KIF13B: variants seen among roughly 807,000 people sequenced by gnomAD.
The protein encoded by KIF13B is kinesin family member 13B.
A neutral mutation model predicts 222.0 loss-of-function variants in KIF13B; 127 were observed. The observed-to-expected ratio is 0.57, with a 90% CI of 0.50 to 0.66. The LOEUF (loss-of-function observed/expected upper bound fraction) is 0.66, where lower values mean the gene tolerates loss of function less well. KIF13B is among the 30% of genes least tolerant of loss of function. The probability of loss-of-function intolerance (pLI) is 0.00; values close to 1 mark genes in which losing one functional copy is unlikely to be tolerated. For missense variants in KIF13B, 2,173 were observed against 2,379.0 expected, an observed-to-expected ratio of 0.91 and a Z score of 1.80; for synonymous variants, 976 against 919.0, an observed-to-expected ratio of 1.06 and a Z score of -1.12.
intron 2 of KIF13B, among the ~76,000 whole-genome samples, chr8:29,201,899 G>A (rs1041769835): frequency 6.6e-6 from 1 of 152,128 alleles, no homozygotes; most frequent in Admixed American, 6.5e-5. Context: ...GAATGAAGCC[G>A]AGCTGACTTG....
chr8:29,088,406 TC>T (rs1321389363), intron 37 of KIF13B, among the ~76,000 whole-genome samples: 2 of 152,174 alleles, frequency 1.3e-5, no homozygotes, highest in East Asian at 3.8e-4. Context: ...AAAAATAGGG[TC>T]TTGCTGGGCA....
At chr8:29,182,072 G>T in intron 6 of KIF13B, 66 bp from the exon 7 acceptor site, 1 of 1,206,446 alleles carries the variant, frequency 8.3e-7, no homozygotes, top group Non-Finnish European at 1.2e-6. Flanking sequence ...ACTCAGCTCT[G>T]CTCCATAAAA....
At chr8:29,178,652 T>A (rs1239522066) in intron 8 of KIF13B, among the ~76,000 whole-genome samples, 2 of 139,068 alleles carry the variant, frequency 1.4e-5, no homozygotes, top group African/African-American at 2.7e-5. Context: ...TACTTTTAGT[T>A]AAAAAAAAAA....
At chr8:29,121,188 A>G (rs1321487726) in intron 29 of KIF13B, among the ~76,000 whole-genome samples, 1 of 142,610 alleles carries the variant, frequency 7.0e-6, no homozygotes, top group East Asian at 2.1e-4. Context: ...CTTTCTTCAC[A>G]GAATTGGAAA....
intron 1 of KIF13B, chr8:29,250,143 AC>A: frequency 1.1e-6 from 1 of 873,874 alleles, no homozygotes; most frequent in Non-Finnish European, 1.6e-6. Flanking sequence ...CTCACCACCC[AC>A]CACAAAGTTG....
intron 2 of KIF13B, among the ~76,000 whole-genome samples, chr8:29,242,176 C>T (rs1418788362): frequency 6.6e-6 from 1 of 152,118 alleles, no homozygotes; most frequent in Non-Finnish European, 1.5e-5. Context: ...GAAGATAAAA[C>T]TTAGCTTAAG....
intron 11 of KIF13B, among the ~76,000 whole-genome samples, chr8:29,166,676 C>T (rs535366785): frequency 2.2e-5 from 3 of 134,066 alleles, no homozygotes; most frequent in Non-Finnish European, 4.6e-5. Flanking sequence ...TGCACTCCAG[C>T]GTGGGCAACA....
rs1363442488 is a variant in KIF13B at position 29,121,007 on chromosome 8, G to A, written c.3535+1584C>T. On this transcript the variant is annotated intron_variant, in intron 29 of 39. Coordinates refer to ENST00000524189, the MANE Select transcript of KIF13B (RefSeq NM_015254.4). ...TGAGAAGTGTCTGTTCATGTCCTTC[G>A]CCCACTTTTTGATGGGGTTGTTTGT... Among the ~76,000 whole-genome samples, 14 of 122,084 alleles carry A rather than the reference G, an allele frequency of 1.1e-4. No individual in the cohort carries two copies. The South Asian group carries it at 1.3e-3, about 11-fold the overall frequency. The allele number at this position is 122,084 out of a possible 152,430, so 80.1% of individuals were successfully genotyped here.
At chr8:29,205,198 T>G (rs1216296324) in intron 2 of KIF13B, among the ~76,000 whole-genome samples, 1 of 151,250 alleles carries the variant, frequency 6.6e-6, no homozygotes, top group African/African-American at 2.4e-5. Flanking sequence ...CAAAAAAGTT[T>G]TTTTAAAAAA....
chr8:29,152,921 T>C (rs12549882), intron 14 of KIF13B, among the ~76,000 whole-genome samples: 34,022 of 152,158 alleles, frequency 0.22, 4,915 homozygotes, highest in East Asian at 0.63. Flanking sequence ...AGATATAATG[T>C]TATTGCACAA....
chr8:29,098,074 A>C (rs568226865), intron 36 of KIF13B, among the ~76,000 whole-genome samples: 1 of 150,528 alleles, frequency 6.6e-6, no homozygotes, highest in African/African-American at 2.4e-5. Flanking sequence ...AGGAGGCTGA[A>C]GCAGGAGAAT....
Position 29,157,758 on chromosome 8 carries a change from G to A in KIF13B, c.1405-1902C>T, listed in dbSNP as rs143044876. Among the ~76,000 whole-genome samples the A allele has an allele frequency of 4.0e-3, 608 of 150,822 alleles. 2 individuals carry two copies. Among genetic ancestry groups the A allele is most frequent in the African/African-American group, 0.014 (576 of 40,948 alleles). The stretch of plus-strand genomic sequence containing the variant: ...AGGCAGGAAGATTACTTGAGCCCAG[G>A]AGATTGAGGCTGCAATAAGCCATAA... On this transcript the variant is annotated intron_variant, in intron 13 of 39. Transcript: ENST00000524189.
chr8:29,088,328 C>CT (rs1808139776), intron 37 of KIF13B, among the ~76,000 whole-genome samples: 1 of 151,990 alleles, frequency 6.6e-6, no homozygotes, highest in South Asian at 2.1e-4. Flanking sequence ...GATGGTTATT[C>CT]TTTTTTCAAG....
Position 29,130,673 on chromosome 8 carries a change from A to G in KIF13B, c.2943-8T>C, listed in dbSNP as rs1446511848. The G allele has an allele frequency of 1.2e-6, 2 of 1,613,610 alleles. No individual in the cohort carries two copies. The highest frequency in any genetic ancestry group is 1.7e-6 in the Non-Finnish European group (2 of 1,179,724). ...CTGGTCACTTCACTCCATCTAGGAA[A>G]TAAGCGAAGTTCTTGGAAAATCATA... On this transcript the variant is annotated splice_polypyrimidine_tract_variant and splice_region_variant and intron_variant, in intron 23 of 39. Transcript: ENST00000524189.
chr8:29,153,620 ATTT>A (rs917595179), intron 14 of KIF13B, among the ~76,000 whole-genome samples: 3 of 150,972 alleles, frequency 2.0e-5, no homozygotes, highest in Non-Finnish European at 2.9e-5. Context: ...ATCAAGTACA[ATTT>A]TTTTAACTTT....
chr8:29,222,127 G>A (rs528292031), intron 2 of KIF13B, among the ~76,000 whole-genome samples: 8 of 152,088 alleles, frequency 5.3e-5, no homozygotes, highest in Non-Finnish European at 8.8e-5. Flanking sequence ...TAGGAAGGTC[G>A]CTTGAGCCCA....
Position 29,143,296 on chromosome 8 carries a change from A to T in KIF13B, c.2188-993T>A, listed in dbSNP as rs191776737. Among the ~76,000 whole-genome samples the T allele has an allele frequency of 2.9e-4, 44 of 152,338 alleles. No homozygotes were observed. The East Asian group carries it at 6.0e-3, about 21-fold the overall frequency. On this transcript the variant is annotated intron_variant, in intron 18 of 39. Transcript: ENST00000524189. The stretch of plus-strand genomic sequence containing the variant: ...AGAGAGGGAAAGTTTGCTGCGGTGT[A>T]TGGGGAAGAAACGTCCCTCTCAGAG...
rs571727029 is a variant in KIF13B, at chr8:29,179,408, T to C, written c.720+696A>G. ...CTGGGATTACAGGTGTGAGGCACAG[T>C]GCCTGGGCAAGCGAGAGCATTACCA... On this transcript the variant is annotated intron_variant, in intron 8 of 39. Coordinates refer to ENST00000524189, the MANE Select transcript of KIF13B (RefSeq NM_015254.4). Among the ~76,000 whole-genome samples, 273 of 152,342 alleles carry C rather than the reference T, an allele frequency of 1.8e-3. 2 individuals are homozygous for C. The highest frequency in any genetic ancestry group is 0.017 in the Middle Eastern group (5 of 294).
intron 8 of KIF13B, 72 bp from the exon 9 acceptor site, chr8:29,177,650 C>T (rs1812537298): frequency 2.0e-6 from 2 of 1,019,512 alleles, no homozygotes; most frequent in Non-Finnish European, 3.1e-6. Flanking sequence ...GCCAGTAATC[C>T]CAGCACTTTG....
Sources: allele counts gnomAD v4.1 joint callset (sites outside exome capture counted in the v4.1 genomes callset), GRCh38; gene constraint gnomAD v4.1.1; transcripts MANE v1.5; gene names NCBI Gene and HGNC (gene_info 2026-07-23, HGNC 2026-07-21).